KIAA1217: variants seen among roughly 807,000 people sequenced by gnomAD.
KIAA1217 encodes the protein KIAA1217.
KIAA1217 carries 88 observed loss-of-function variants against 163.9 expected under a neutral mutation model. That is an observed-to-expected ratio of 0.54 (90% CI 0.45 to 0.64). KIAA1217 has a LOEUF of 0.64. KIAA1217 is among the 30% of genes least tolerant of loss of function. The probability of loss-of-function intolerance (pLI) is 0.00; values close to 1 mark genes in which losing one functional copy is unlikely to be tolerated. For missense variants in KIAA1217, 2,372 were observed against 2,475.0 expected, an observed-to-expected ratio of 0.96 and a Z score of 0.88; for synonymous variants, 903 against 923.1, an observed-to-expected ratio of 0.98 and a Z score of 0.39.
At chr10:24,511,843 C>T (rs1012311104) in intron 9 of KIAA1217, among the ~76,000 whole-genome samples, 5 of 152,202 alleles carry the variant, frequency 3.3e-5, no homozygotes, top group African/African-American at 1.2e-4. Context: ...CCCACTAGTT[C>T]ACCCTCCCTG....
intron 2 of KIAA1217, among the ~76,000 whole-genome samples, chr10:24,313,825 G>A (rs1399678392): frequency 2.0e-5 from 3 of 150,200 alleles, no homozygotes; most frequent in African/African-American, 7.3e-5. Context: ...CATGGTTTTG[G>A]TGAACATCCA....
chr10:24,530,723 C>T (rs970098326), intron 14 of KIAA1217, among the ~76,000 whole-genome samples: 1 of 151,872 alleles, frequency 6.6e-6, no homozygotes, highest in South Asian at 2.1e-4. Context: ...CATAGTGAGA[C>T]CCCCCTCTTT....
chr10:24,323,788 CGT>C (rs60528535), intron 2 of KIAA1217, among the ~76,000 whole-genome samples: 11,299 of 144,132 alleles, frequency 0.078, 491 homozygotes, highest in East Asian at 0.13. Context: ...GTTTTCTCTT[CGT>C]GTGTGTGTGT....
chr10:23,842,578 A>G (rs1564467857), intron 1 of KIAA1217, among the ~76,000 whole-genome samples: 1 of 152,112 alleles, frequency 6.6e-6, no homozygotes, highest in Admixed American at 6.6e-5. Flanking sequence ...GTAAATAGGG[A>G]TGATATTTAA....
At chr10:24,054,911 T>C (rs1849777538) in intron 2 of KIAA1217, among the ~76,000 whole-genome samples, 1 of 152,188 alleles carries the variant, frequency 6.6e-6, no homozygotes, top group Admixed American at 6.5e-5. Flanking sequence ...ACTCCTGTTG[T>C]ATATGTGATT....
chr10:23,703,456 AGAC>A (rs1307105619), intron 1 of KIAA1217, among the ~76,000 whole-genome samples: 1 of 152,214 alleles, frequency 6.6e-6, no homozygotes, highest in Non-Finnish European at 1.5e-5. Flanking sequence ...AAAAGTACAA[AGAC>A]GACAAGATTT....
rs144612567 is a variant in KIAA1217 at position 23,699,166 on chromosome 10, C to T, written c.-321+3932C>T. Among the ~76,000 whole-genome samples, 1,200 of 152,340 alleles carry T rather than the reference C, an allele frequency of 7.9e-3. 10 individuals carry two copies. The highest frequency in any genetic ancestry group is 0.062 in the South Asian group (300 of 4,828). ...CTGCCTGATCAGGTCCTTCTGAGGACAGGGCAGCAAAGGACTTGGTTGGGG... is the reference window on the plus strand; with the variant it reads ...CTGCCTGATCAGGTCCTTCTGAGGATAGGGCAGCAAAGGACTTGGTTGGGG... On this transcript the variant is annotated intron_variant, in intron 1 of 18. Transcript: ENST00000376462.
intron 2 of KIAA1217, among the ~76,000 whole-genome samples, chr10:24,346,790 C>T (rs1040907938): frequency 7.9e-5 from 12 of 151,866 alleles, no homozygotes; most frequent in African/African-American, 2.7e-4. Flanking sequence ...AGGCTGGTCT[C>T]GAACTCCTGA....
chr10:24,055,901 A>G (rs1010276647), intron 2 of KIAA1217, among the ~76,000 whole-genome samples: 1 of 152,110 alleles, frequency 6.6e-6, no homozygotes, highest in Non-Finnish European at 1.5e-5. Flanking sequence ...GGAGCTGTAC[A>G]TAATAGATGT....
At chr10:24,045,975 G>T (rs1289354854) in intron 2 of KIAA1217, among the ~76,000 whole-genome samples, 2 of 152,104 alleles carry the variant, frequency 1.3e-5, no homozygotes, top group Non-Finnish European at 2.9e-5. Flanking sequence ...TGTATGTGTT[G>T]ATATATGTCA....
chr10:23,742,401 G>A (rs1204691284), intron 1 of KIAA1217, among the ~76,000 whole-genome samples: 1 of 152,150 alleles, frequency 6.6e-6, no homozygotes, highest in Non-Finnish European at 1.5e-5. Flanking sequence ...ACCTGGGACT[G>A]GGTAATTTAT....
At chr10:24,325,263 G>A (rs1233821103) in intron 2 of KIAA1217, among the ~76,000 whole-genome samples, 1 of 152,158 alleles carries the variant, frequency 6.6e-6, no homozygotes, top group Non-Finnish European at 1.5e-5. Flanking sequence ...TTCAGGTATG[G>A]AACTCAGCTC....
At chr10:23,816,626 C>T (rs1318734128) in intron 1 of KIAA1217, among the ~76,000 whole-genome samples, 1 of 152,144 alleles carries the variant, frequency 6.6e-6, no homozygotes, top group African/African-American at 2.4e-5. Flanking sequence ...GTATTTAAAA[C>T]ACAATTCTCC....
At chr10:24,398,725 G>A (rs1440986050) in intron 3 of KIAA1217, among the ~76,000 whole-genome samples, 1 of 152,098 alleles carries the variant, frequency 6.6e-6, no homozygotes, top group Non-Finnish European at 1.5e-5. Flanking sequence ...TAACACTTAA[G>A]AGTTGAGCGT....
intron 1 of KIAA1217, among the ~76,000 whole-genome samples, chr10:23,754,474 C>T (rs1164707720): frequency 3.9e-5 from 6 of 152,200 alleles, no homozygotes; most frequent in Admixed American, 3.9e-4. Context: ...CATTTTCTCA[C>T]ACAGTCTAAC....
chr10:23,762,191 C>T (rs1462955124), intron 1 of KIAA1217, among the ~76,000 whole-genome samples: 1 of 151,972 alleles, frequency 6.6e-6, no homozygotes, highest in African/African-American at 2.4e-5. Flanking sequence ...ACCAGAAATA[C>T]AAAGGGGAGC....
chr10:24,452,637 G>A (rs941413932), intron 5 of KIAA1217, among the ~76,000 whole-genome samples: 2 of 140,734 alleles, frequency 1.4e-5, no homozygotes, highest in Admixed American at 7.5e-5. Context: ...AGCCGAGATC[G>A]CACCACTGCA....
At chr10:23,719,893 A>G (rs1375642946) in intron 1 of KIAA1217, among the ~76,000 whole-genome samples, 1 of 152,118 alleles carries the variant, frequency 6.6e-6, no homozygotes, top group East Asian at 1.9e-4. Flanking sequence ...CAGCCTGGCA[A>G]GAGAGTGAGA....
At chr10:23,943,973 A>G (rs544191771) in intron 1 of KIAA1217, among the ~76,000 whole-genome samples, 1 of 152,252 alleles carries the variant, frequency 6.6e-6, no homozygotes, top group African/African-American at 2.4e-5. Context: ...ACTAAAAAAC[A>G]TCTAGAAGCA....
Sources: gnomAD v4.1 joint callset for allele counts (sites outside exome capture counted in the v4.1 genomes callset) on GRCh38, gnomAD v4.1.1 for gene constraint, MANE v1.5 for transcripts, NCBI Gene and HGNC (gene_info 2026-07-23, HGNC 2026-07-21) for gene names.